AACS: variants seen among roughly 807,000 people sequenced by gnomAD.
The protein encoded by AACS is acetoacetyl-CoA synthetase.
Under a neutral mutation model 83.1 loss-of-function variants are expected in AACS, and 69 were observed. The observed-to-expected ratio is 0.83, with a 90% CI of 0.68 to 1.01. The LOEUF (loss-of-function observed/expected upper bound fraction) is 1.01, where lower values mean the gene tolerates loss of function less well. Among genes scored for constraint, AACS ranks in the 50% least tolerant of loss-of-function variants. AACS has a pLI of 0.00. For missense variants in AACS, 866 were observed against 882.2 expected (o/e 0.98, Z 0.23); for synonymous variants, 333 against 343.4 (o/e 0.97, Z 0.33).
At position 125,129,323 on chromosome 12, in the gene AACS, C is replaced by G. The variant is rs765030018; in HGVS notation, c.1424-12C>G. 1 of 1,607,968 alleles carries G rather than the reference C, an allele frequency of 6.2e-7. No homozygotes were observed. Among genetic ancestry groups the G allele is most frequent in the African/African-American group, 1.3e-5 (1 of 74,684 alleles). On this transcript the variant is annotated splice_polypyrimidine_tract_variant and intron_variant, in intron 13 of 17. Transcript: ENST00000316519. The surrounding 1 kb of genome is among the most constrained non-coding windows in gnomAD (Gnocchi z 4.3). ...GTGTGTGTTGGGCTTATTTTTAATTCTCCCATACCAGGAAAGGCGGTCTGG... is the reference window on the plus strand; with the variant it reads ...GTGTGTGTTGGGCTTATTTTTAATTGTCCCATACCAGGAAAGGCGGTCTGG...
In AACS at chr12:125,065,712, C is replaced by A. The variant is rs2136019271; in HGVS notation, c.128C>A (p.Ala43Glu). ...RAAVGAACGL[A>E]LESYDDLYHW... ...GCTGTGGGCGCCGCCTGCGGCCTGGCGCTGGGTGAGAGTCGGGCGCGCGGC... is the reference window on the plus strand; with the variant it reads ...GCTGTGGGCGCCGCCTGCGGCCTGGAGCTGGGTGAGAGTCGGGCGCGCGGC... The change falls in exon 1 of 18, where the codon GCG becomes GAG. Residue 43 changes from alanine (A) to glutamate (E), a missense_variant. Coordinates refer to ENST00000316519, the MANE Select transcript of AACS (RefSeq NM_023928.5). The A allele has an allele frequency of 3.9e-6, 6 of 1,535,762 alleles. No individual in the cohort carries two copies. The highest frequency in any genetic ancestry group is 1.4e-5 in the African/African-American group (1 of 71,542).
At chr12:125,089,317 G>T (rs1956409585) in intron 4 of AACS, among the ~76,000 whole-genome samples, 1 of 152,140 alleles carries the variant, frequency 6.6e-6, no homozygotes, top group Non-Finnish European at 1.5e-5. Context: ...AACACCCACT[G>T]CAGGGGGGAG....
rs113903289 is a variant in AACS at position 125,065,757 on chromosome 12, C to A, written c.133+40C>A. ...CGCGGCCGGGCCTGCGGGGGATGGGCGGGAGCCGTGCAGGGTGGTTGGGTG... is the reference window on the plus strand; with the variant it reads ...CGCGGCCGGGCCTGCGGGGGATGGGAGGGAGCCGTGCAGGGTGGTTGGGTG... On this transcript the variant is annotated intron_variant, in intron 1 of 17. Transcript: ENST00000316519. The A allele has an allele frequency of 8.4e-3, 12,570 of 1,494,662 alleles. 932 individuals carry two copies. The African/African-American group carries it at 0.16, about 19-fold the overall frequency. 92.6% of individuals were successfully genotyped at this position (1,494,662 alleles called of 1,614,324 possible). A position where few individuals can be genotyped will look rare whatever the true frequency, so the allele number is the denominator to read the frequency against.
chr12:125,083,023 A>G (rs2228689), intron 3 of AACS, among the ~76,000 whole-genome samples: 28,922 of 152,212 alleles, frequency 0.19, 3,131 homozygotes, highest in African/African-American at 0.3. Flanking sequence ...TTTCCATGTC[A>G]TAGATTTCCT....
chr12:125,076,670 A>G (rs965658577), intron 3 of AACS, 59 bp downstream of exon 3: 2 of 1,603,502 alleles, frequency 1.2e-6, no homozygotes, highest in Admixed American at 1.7e-5. Context: ...TGGTGCATGC[A>G]TGCGGTGCCA....
chr12:125,136,415 C>G (rs1002162360), intron 16 of AACS, among the ~76,000 whole-genome samples: 9 of 152,088 alleles, frequency 5.9e-5, no homozygotes, highest in African/African-American at 2.2e-4. Flanking sequence ...GGTAGAACAT[C>G]ACCCATCCTG....
At chr12:125,133,256 G>A (rs191230562) in intron 14 of AACS, among the ~76,000 whole-genome samples, 2 of 152,266 alleles carry the variant, frequency 1.3e-5, no homozygotes, top group East Asian at 3.9e-4. Flanking sequence ...ACTGTTTGGC[G>A]CCTGGGTGGA....
intron 3 of AACS, among the ~76,000 whole-genome samples, chr12:125,077,393 C>G (rs1035196679): frequency 6.6e-5 from 10 of 151,554 alleles, no homozygotes; most frequent in Non-Finnish European, 1.5e-4. Context: ...GCCTGTAGTC[C>G]CAGCTACTCA....
In AACS at chr12:125,077,379, G is replaced by A. The variant is rs571647700; in HGVS notation, c.358+768G>A. Among the ~76,000 whole-genome samples, 203 of 151,850 alleles carry A rather than the reference G, an allele frequency of 1.3e-3. 2 individuals carry two copies. Among genetic ancestry groups the A allele is most frequent in the African/African-American group, 4.5e-3 (187 of 41,388 alleles). On this transcript the variant is annotated intron_variant, in intron 3 of 17. Transcript: ENST00000316519. Reference sequence around the variant, plus strand: ...CAAAATATTAGCCAGGCGTGGTGGCGGGCGCCTGTAGTCCCAGCTACTCAG... The same window carrying A: ...CAAAATATTAGCCAGGCGTGGTGGCAGGCGCCTGTAGTCCCAGCTACTCAG...
At chr12:125,099,162 C>T (rs1489539646) in intron 5 of AACS, among the ~76,000 whole-genome samples, 2 of 152,184 alleles carry the variant, frequency 1.3e-5, no homozygotes, top group South Asian at 2.1e-4. Flanking sequence ...GATAATCATG[C>T]GATTTCCCCC....
At position 125,107,118 on chromosome 12, in the gene AACS, C is replaced by T. The variant is rs1222595802; in HGVS notation, c.768-3C>T. ...GCGTGTTTCCCTGCGTTTCGGCCCA[C>T]AGTGTGTTTCTGGATGACTTTCTTG... On this transcript the variant is annotated splice_polypyrimidine_tract_variant and splice_region_variant and intron_variant, in intron 7 of 17. Coordinates refer to ENST00000316519, the MANE Select transcript of AACS (RefSeq NM_023928.5). The T allele has an allele frequency of 2.5e-6, 4 of 1,614,014 alleles. No individual in the cohort carries two copies. The highest frequency in any genetic ancestry group is 1.7e-5 in the Admixed American group (1 of 60,006).
Position 125,137,734 on chromosome 12 carries a change from CTGTGTG to C in AACS, c.1881+877_1881+882del, listed in dbSNP as rs375255258. Among the ~76,000 whole-genome samples, 375 of 152,142 alleles carry C rather than the reference CTGTGTG, an allele frequency of 2.5e-3. 5 individuals are homozygous for C. The highest frequency in any genetic ancestry group is 8.6e-3 in the African/African-American group (358 of 41,524). ...ATACCCCGCAAGCTGACAGAAGCTG[CTGTGTG>C]TGTGTGAGTGTGTGTGTGTATGTGA... On this transcript the variant is annotated intron_variant, in intron 17 of 17. Transcript: ENST00000316519.
At chr12:125,112,668 G>A (rs1381858563) in intron 8 of AACS, among the ~76,000 whole-genome samples, 1 of 52,826 alleles carries the variant, frequency 1.9e-5, no homozygotes, top group East Asian at 8.0e-4. Flanking sequence ...GACAGAGCGA[G>A]ACTCTGTCTC....
intron 15 of AACS, among the ~76,000 whole-genome samples, chr12:125,134,407 C>G (rs2291247): frequency 0.45 from 67,695 of 152,038 alleles, 15,440 homozygotes; most frequent in East Asian, 0.65. Context: ...CCTGGGGTGG[C>G]GCATCCCTGT....
intron 3 of AACS, chr12:125,078,359 C>T (rs577257600): frequency 2.2e-6 from 1 of 455,836 alleles, no homozygotes; most frequent in East Asian, 7.0e-5. Flanking sequence ...CTCGACGTAC[C>T]ATATGGGGCT....
At chr12:125,099,140 A>G (rs1956670300) in intron 5 of AACS, among the ~76,000 whole-genome samples, 1 of 152,236 alleles carries the variant, frequency 6.6e-6, no homozygotes, top group Non-Finnish European at 1.5e-5. Flanking sequence ...GCCTTTTATC[A>G]GAAGCTTCCA....
chr12:125,117,748 G>C (rs1205948173), intron 9 of AACS: 1 of 152,242 alleles, frequency 6.6e-6, no homozygotes, highest in Non-Finnish European at 1.5e-5. Flanking sequence ...CACTTTGTGA[G>C]GCTGAGGCAG....
intron 3 of AACS, among the ~76,000 whole-genome samples, chr12:125,083,335 T>C (rs1205119566): frequency 6.6e-6 from 1 of 152,142 alleles, no homozygotes; most frequent in African/African-American, 2.4e-5. Context: ...CTGCAGTGAC[T>C]CTTATGACCA....
At chr12:125,122,607 T>A (rs1957170338) in intron 10 of AACS, 1 of 143,796 alleles carries the variant, frequency 7.0e-6, no homozygotes, top group Admixed American at 7.2e-5. Flanking sequence ...CACCCCACTG[T>A]ACTCCAGCCT....
Sources: gnomAD v4.1 joint callset for allele counts (sites outside exome capture counted in the v4.1 genomes callset) on GRCh38, gnomAD v4.1.1 for gene constraint, Gnocchi (gnomAD v3.1) non-coding constraint, MANE v1.5 for transcripts, NCBI Gene and HGNC (gene_info 2026-07-23, HGNC 2026-07-21) for gene names.